The following GALNT5 variants were observed in gnomAD, a reference collection of about 807,000 sequenced individuals.
The protein encoded by GALNT5 is UDP-GalNAc:polypeptide N-acetylgalactosaminyltransferase 5.
GALNT5 carries 72 observed loss-of-function variants against 85.4 expected under a neutral mutation model. The ratio of observed to expected loss-of-function variants is 0.84; its 90% CI spans 0.70 to 1.03. The LOEUF is 1.03. Among genes scored for constraint, GALNT5 ranks in the 50% least tolerant of loss-of-function variants. The probability of loss-of-function intolerance (pLI) is 0.00; values close to 1 mark genes in which losing one functional copy is unlikely to be tolerated. For missense variants in GALNT5, 1,137 were observed against 1,135.5 expected (o/e 1.00, Z -0.02); for synonymous variants, 404 against 397.0 (o/e 1.02, Z -0.21).
intron 4 of GALNT5, 119 bp downstream of exon 4, chr2:157,295,917 A>T (rs780824495): frequency 3.2e-5 from 22 of 693,144 alleles, no homozygotes; most frequent in Non-Finnish European, 4.8e-5. Flanking sequence ...TATACAGTTT[A>T]TCTACTTAAA....
At chr2:157,303,485 T>A (rs1254831141) in intron 7 of GALNT5, among the ~76,000 whole-genome samples, 2 of 148,666 alleles carry the variant, frequency 1.3e-5, no homozygotes, top group Non-Finnish European at 2.9e-5. Flanking sequence ...AATTTAAAAT[T>A]CATACACTGC....
intron 1 of GALNT5, among the ~76,000 whole-genome samples, chr2:157,262,900 T>C (rs1050488795): frequency 7.1e-6 from 1 of 140,598 alleles, no homozygotes; most frequent in Non-Finnish European, 1.5e-5. Context: ...CGATCTCGGC[T>C]CACTGCAAAC....
intron 1 of GALNT5, among the ~76,000 whole-genome samples, chr2:157,275,864 T>C (rs1163555704): frequency 1.3e-5 from 2 of 152,186 alleles, no homozygotes; most frequent in African/African-American, 4.8e-5. Flanking sequence ...CTATGTTGAA[T>C]AGGAGTGGTG....
intron 1 of GALNT5, among the ~76,000 whole-genome samples, chr2:157,263,244 A>T (rs570951488): frequency 6.6e-6 from 1 of 152,228 alleles, no homozygotes; most frequent in Admixed American, 6.5e-5. Context: ...CCTGCACATG[A>T]CATTTTCTCC....
intron 2 of GALNT5, 111 bp from the exon 3 acceptor site, chr2:157,285,904 G>A: frequency 6.0e-6 from 4 of 667,446 alleles, no homozygotes; most frequent in Non-Finnish European, 1.1e-5. Context: ...ATAAAATTCA[G>A]TGATGATGGT....
chr2:157,301,635 C>G (rs561045266), intron 7 of GALNT5: 2 of 153,218 alleles, frequency 1.3e-5, no homozygotes, highest in Non-Finnish European at 2.9e-5. Context: ...AAGGAAGGAG[C>G]CAGATCACAC....
chr2:157,303,023 G>A (rs1350900981), intron 7 of GALNT5, among the ~76,000 whole-genome samples: 6 of 152,146 alleles, frequency 3.9e-5, no homozygotes, highest in Non-Finnish European at 5.9e-5. Flanking sequence ...AAAGTTCCAA[G>A]AAAATAAACT....
chr2:157,288,049 T>C (rs1447516002), intron 3 of GALNT5, among the ~76,000 whole-genome samples: 1 of 152,146 alleles, frequency 6.6e-6, no homozygotes, highest in African/African-American at 2.4e-5. Context: ...TCCGTCCTCT[T>C]ATCAACTACA....
chr2:157,312,712 C>T lies in GALNT5; in HGVS notation c.*1364C>T, dbSNP rs1195003411. 6.6e-6 allele frequency: 1 copy of T among 152,034 alleles called. No homozygotes were observed. The highest frequency in any genetic ancestry group is 1.5e-5 in the Non-Finnish European group (1 of 67,992). 9.4% of individuals were successfully genotyped at this position (152,034 alleles called of 1,614,324 possible). A position where few individuals can be genotyped will look rare whatever the true frequency, so the allele number is the denominator to read the frequency against. ...AACCCAGGCAAGTTAGTCAAAGAATCAAGATTAGAATTCAGGTTTCCAGAG... is the reference window on the plus strand; with the variant it reads ...AACCCAGGCAAGTTAGTCAAAGAATTAAGATTAGAATTCAGGTTTCCAGAG... On this transcript the variant is annotated 3_prime_UTR_variant, in exon 10 of 10. Transcript: ENST00000259056.
intron 1 of GALNT5, among the ~76,000 whole-genome samples, chr2:157,280,986 T>C (rs1455666346): frequency 2.6e-5 from 4 of 152,218 alleles, no homozygotes; most frequent in Non-Finnish European, 5.9e-5. Flanking sequence ...CCATGCTTCC[T>C]GTACAGCCTG....
At chr2:157,290,335 GT>G (rs1425487051) in intron 3 of GALNT5, among the ~76,000 whole-genome samples, 1 of 152,018 alleles carries the variant, frequency 6.6e-6, no homozygotes, top group East Asian at 1.9e-4. Context: ...AAGAAGAAAG[GT>G]TTGTCTCGAT....
At chr2:157,303,261 T>C (rs1441224713) in intron 7 of GALNT5, among the ~76,000 whole-genome samples, 7 of 152,144 alleles carry the variant, frequency 4.6e-5, no homozygotes, top group Non-Finnish European at 1.5e-5. Flanking sequence ...CAAGCAGAAA[T>C]TTAAATCCAG....
At position 157,258,677 on chromosome 2, in the gene GALNT5, AAG is replaced by A; in HGVS notation, c.598_599del (p.His201Ter). The A allele has an allele frequency of 1.2e-6, 2 of 1,613,906 alleles. No homozygotes were observed. The highest frequency in any genetic ancestry group is 1.7e-6 in the Non-Finnish European group (2 of 1,180,004). On this transcript the variant is annotated frameshift_variant, in exon 1 of 10. Transcript: ENST00000259056. LOFTEE classifies it high-confidence loss of function. ...TGTCAGTTTAAAACAGGAGCCCCGG[AAG>A]AGTCATAGTCCCAGCAGTGACACAT... ...GRVSLKQEPRKSHSPSSDTSK... is the reference protein window; with the variant it reads ...GRVSLKQEPRXSHSPSSDTSK...
chr2:157,291,640 C>A (rs1013403618), intron 3 of GALNT5, among the ~76,000 whole-genome samples: 1 of 143,670 alleles, frequency 7.0e-6, no homozygotes, highest in South Asian at 2.4e-4. Context: ...CCCACCCCCC[C>A]CCAGATTTTT....
intron 3 of GALNT5, among the ~76,000 whole-genome samples, chr2:157,291,336 T>C (rs1025068301): frequency 2.0e-5 from 3 of 152,216 alleles, no homozygotes; most frequent in African/African-American, 7.2e-5. Context: ...AAGTGACATC[T>C]AACTCCTAGC....
chr2:157,280,197 C>A (rs915982230), intron 1 of GALNT5, among the ~76,000 whole-genome samples: 2 of 152,182 alleles, frequency 1.3e-5, no homozygotes, highest in African/African-American at 4.8e-5. Context: ...GTGATTATTA[C>A]CTCACCTGGA....
At chr2:157,284,207 C>A in intron 1 of GALNT5, 75 bp from the exon 2 acceptor site, 1 of 1,202,314 alleles carries the variant, frequency 8.3e-7, no homozygotes, top group Non-Finnish European at 1.2e-6. Flanking sequence ...CACACCATCG[C>A]ACTCTGTGAC....
In GALNT5 at chr2:157,313,990, T is replaced by G. The variant is rs1180566415; in HGVS notation, c.*2642T>G. On this transcript the variant is annotated 3_prime_UTR_variant, in exon 10 of 10. Transcript: ENST00000259056. ...ATGGGCCTAAACTTGAGTGTATTGA[T>G]TTATTATTACATCTACTACCAACAT... The G allele has an allele frequency of 2.0e-5, 3 of 152,166 alleles. No homozygotes were observed. Among genetic ancestry groups the G allele is most frequent in the Non-Finnish European group, 4.4e-5 (3 of 68,020 alleles). The allele number at this position is 152,166 out of a possible 1,614,324, so 9.4% of individuals were successfully genotyped here.
At chr2:157,296,712 C>G (rs1683221202) in intron 5 of GALNT5, among the ~76,000 whole-genome samples, 199 bp downstream of exon 5, 1 of 152,120 alleles carries the variant, frequency 6.6e-6, no homozygotes, top group Non-Finnish European at 1.5e-5. Context: ...CATTTGTACC[C>G]TACTCAGGCC....
Sources: gnomAD v4.1 joint callset for allele counts (sites outside exome capture counted in the v4.1 genomes callset) on GRCh38, gnomAD v4.1.1 for gene constraint, MANE v1.5 for transcripts, NCBI Gene and HGNC (gene_info 2026-07-23, HGNC 2026-07-21) for gene names.